The following NPIPB2 variants were observed in gnomAD, a reference collection of about 807,000 sequenced individuals.
NPIPB2 encodes the protein nuclear pore complex-interacting protein family member B2.
Under a neutral mutation model 30.8 loss-of-function variants are expected in NPIPB2, and 27 were observed. The observed-to-expected ratio is 0.88, with a 90% CI of 0.65 to 1.21. NPIPB2 has a LOEUF of 1.21. Ranked by LOEUF, NPIPB2 falls within the 50% of genes most tolerant of loss-of-function variation. NPIPB2 has a pLI of 0.00. For missense variants in NPIPB2, 440 were observed against 446.2 expected, an observed-to-expected ratio of 0.99 and a Z score of 0.13; for synonymous variants, 147 against 162.0, an observed-to-expected ratio of 0.91 and a Z score of 0.70.
intron 1 of NPIPB2, among the ~76,000 whole-genome samples, chr16:11,947,322 T>TA (rs2055020983): frequency 8.7e-4 from 104 of 119,944 alleles, no homozygotes; most frequent in South Asian, 2.6e-3. Flanking sequence ...ATTTATTTAT[T>TA]TATATATATA....
At chr16:11,972,126 C>T (rs936469514) in intron 1 of NPIPB2, among the ~76,000 whole-genome samples, 3 of 150,726 alleles carry the variant, frequency 2.0e-5, no homozygotes, top group African/African-American at 4.9e-5. Context: ...ACAGCCCAGG[C>T]GACAATGCGA....
At chr16:11,967,980 T>G in intron 1 of NPIPB2, 1 of 975,070 alleles carries the variant, frequency 1.0e-6, no homozygotes, top group Non-Finnish European at 1.5e-6. Flanking sequence ...TGGAAACTCT[T>G]TATGTTAGAT....
At chr16:11,939,058 T>C (rs1306362721) in intron 1 of NPIPB2, among the ~76,000 whole-genome samples, 2 of 152,158 alleles carry the variant, frequency 1.3e-5, no homozygotes, top group African/African-American at 4.8e-5. Flanking sequence ...TAGTTATCTT[T>C]TCTTTAAAGT....
At chr16:11,938,893 G>A (rs946241640) in intron 1 of NPIPB2, among the ~76,000 whole-genome samples, 1,876 of 151,614 alleles carry the variant, frequency 0.012, 15 homozygotes, top group Middle Eastern at 0.034. Context: ...GATTACAGGC[G>A]CCTGCCACCA....
chr16:11,927,396 T>G (rs769232094), exon 8 of NPIPB2: 179 of 957,296 alleles, frequency 1.9e-4, no homozygotes, highest in Non-Finnish European at 2.6e-4. Context: ...CAATGGCCTG[T>G]TCTCAGCTTA....
intron 4 of NPIPB2, among the ~76,000 whole-genome samples, chr16:11,932,814 G>T (rs1596488760): frequency 1.7e-5 from 1 of 60,352 alleles, no homozygotes; most frequent in African/African-American, 4.9e-5. Context: ...AAAAAAAATT[G>T]GCCAAATGTG....
chr16:11,952,527 C>CCGAAACTTAGTAGTGTACTACGGCCAT (rs1367758081), intron 1 of NPIPB2, among the ~76,000 whole-genome samples: 1 of 151,568 alleles, frequency 6.6e-6, no homozygotes. Flanking sequence ...ACCCCTACAC[C>CCGAAACTTAGTAGTGTACTACGGCCAT]CGAAACTTAG....
chr16:11,944,893 A>G (rs2054988698), upstream of NPIPB2, among the ~76,000 whole-genome samples: 2 of 151,030 alleles, frequency 1.3e-5, no homozygotes, highest in African/African-American at 4.9e-5. Context: ...AAGATATAAT[A>G]GCCAGCCGGG....
chr16:11,952,565 CTTTTTTTTT>C (rs3031202), intron 1 of NPIPB2, among the ~76,000 whole-genome samples: 1 of 109,882 alleles, frequency 9.1e-6, no homozygotes, highest in African/African-American at 3.1e-5. Flanking sequence ...CTTTCTTTCT[CTTTTTTTTT>C]TTTTTTTTGA....
intron 1 of NPIPB2, among the ~76,000 whole-genome samples, chr16:11,960,517 C>T (rs947872729): frequency 2.6e-5 from 4 of 151,824 alleles, no homozygotes; most frequent in Admixed American, 6.6e-5. Flanking sequence ...CCACCATGCC[C>T]GGCTAATTTT....
At chr16:11,941,708 G>GGTGCCTCACAATGGAC (rs1345002431) in intron 1 of NPIPB2, 18 of 720,536 alleles carry the variant, frequency 2.5e-5, no homozygotes, top group Middle Eastern at 7.4e-4. Context: ...TGACCCCGGT[G>GGTGCCTCACAATGGAC]GTGCCTCACA....
intron 1 of NPIPB2, among the ~76,000 whole-genome samples, chr16:11,975,032 G>A (rs2055264105): frequency 6.7e-6 from 1 of 149,576 alleles, no homozygotes; most frequent in Non-Finnish European, 1.5e-5. Flanking sequence ...CCAAGATCGC[G>A]CCACTGCACT....
At chr16:11,927,718 C>T (rs754168715) in exon 8 of NPIPB2, 1 of 1,600,036 alleles carries the variant, frequency 6.2e-7, no homozygotes, top group South Asian at 1.1e-5. Context: ...TGAGCAGACA[C>T]TCGGGAGGTG....
intron 1 of NPIPB2, among the ~76,000 whole-genome samples, chr16:11,974,425 G>A (rs564005413): frequency 6.6e-5 from 10 of 152,288 alleles, no homozygotes; most frequent in South Asian, 2.1e-4. Flanking sequence ...GCTGAGGCAG[G>A]AGAATCACTA....
chr16:11,976,616 C>T (rs965618841), exon 1 of NPIPB2: 2 of 372,622 alleles, frequency 5.4e-6, no homozygotes, highest in Non-Finnish European at 9.4e-6. Flanking sequence ...CACACCGGGT[C>T]CGGCGACTTG....
intron 1 of NPIPB2, among the ~76,000 whole-genome samples, chr16:11,970,541 T>G (rs1031633620): frequency 6.6e-6 from 1 of 151,980 alleles, no homozygotes; most frequent in African/African-American, 2.4e-5. Context: ...GCATTTTTTT[T>G]TTCTTTCTTT....
chr16:11,943,697 C>T (rs181159240), upstream of NPIPB2, among the ~76,000 whole-genome samples: 1,490 of 145,866 alleles, frequency 0.01, 8 homozygotes, highest in Middle Eastern at 0.024. Context: ...AGCAAAACTC[C>T]GTCTTAAAAT....
chr16:11,951,659 CA>C (rs1567473670), intron 1 of NPIPB2, among the ~76,000 whole-genome samples: 12 of 148,788 alleles, frequency 8.1e-5, no homozygotes, highest in South Asian at 2.3e-4. Flanking sequence ...CACACACACA[CA>C]CACACACCCA....
At chr16:11,948,766 C>CAAAAAAA (rs34639444) in intron 1 of NPIPB2, among the ~76,000 whole-genome samples, 15 of 67,242 alleles carry the variant, frequency 2.2e-4, no homozygotes, top group Admixed American at 5.8e-4. Context: ...GACTCCGTCT[C>CAAAAAAA]AAAAAAAAAA....
Sources: allele counts gnomAD v4.1 joint callset (sites outside exome capture counted in the v4.1 genomes callset), GRCh38; gene constraint gnomAD v4.1.1; transcripts MANE v1.5; gene names NCBI Gene and HGNC (gene_info 2026-07-23, HGNC 2026-07-21).